RXRA: variants seen among roughly 807,000 people sequenced by gnomAD.
The protein encoded by RXRA is retinoid X receptor alpha.
RXRA carries 5 observed loss-of-function variants against 44.5 expected under a neutral mutation model. The ratio of observed to expected loss-of-function variants is 0.11; its 90% CI spans 0.06 to 0.24. The LOEUF (loss-of-function observed/expected upper bound fraction) is 0.24. RXRA is among the 10% of genes least tolerant of loss of function. The pLI, the probability that RXRA is intolerant of heterozygous loss-of-function variation, is 1.00. For missense variants in RXRA, 412 were observed against 646.5 expected (o/e 0.64, Z 3.93); for synonymous variants, 291 against 271.4 (o/e 1.07, Z -0.71).
At chr9:134,356,584 T>C (rs1830286374) in intron 1 of RXRA, among the ~76,000 whole-genome samples, 1 of 152,214 alleles carries the variant, frequency 6.6e-6, no homozygotes, top group African/African-American at 2.4e-5. Flanking sequence ...GTCCGTGCCT[T>C]GCCCAGAAGT....
chr9:134,379,967 G>A (rs1331908587), intron 1 of RXRA: 1 of 985,176 alleles, frequency 1.0e-6, no homozygotes, highest in African/African-American at 1.7e-5. Context: ...GGGGGTTGGT[G>A]GAGGCCTCGG....
Position 134,417,753 on chromosome 9 carries a change from T to G in RXRA, c.780+426T>G, listed in dbSNP as rs1831262869. On this transcript the variant is annotated intron_variant, in intron 5 of 9. Coordinates refer to ENST00000481739, the MANE Select transcript of RXRA (RefSeq NM_002957.6). The surrounding 1 kb of genome is among the most constrained non-coding windows in gnomAD (Gnocchi z 6.1). Reference sequence around the variant, plus strand: ...CCAGCAAGAGGCTCTGCAGGTTGGTTCCAGGGCTGGCTCTGCCAGCAGCCG... The same window carrying G: ...CCAGCAAGAGGCTCTGCAGGTTGGTGCCAGGGCTGGCTCTGCCAGCAGCCG... Among the ~76,000 whole-genome samples, 2 of 152,044 alleles carry G rather than the reference T, an allele frequency of 1.3e-5. No individual in the cohort carries two copies. The highest frequency in any genetic ancestry group is 2.4e-5 in the African/African-American group (1 of 41,382).
rs748664039 is a variant in RXRA at position 134,434,163 on chromosome 9, C to T, written c.1197C>T (p.Ser399=). The T allele has an allele frequency of 8.1e-6, 13 of 1,613,744 alleles. No individual in the cohort carries two copies. In the Admixed American group the frequency reaches 1.8e-4, roughly 23 times the overall value. The change falls in exon 9 of 10, where the codon TCC becomes TCT. Residue 399 remains serine, a synonymous_variant. Coordinates refer to ENST00000481739, the MANE Select transcript of RXRA (RefSeq NM_002957.6). ...CGCTGAGGGAGAAGGTCTATGCGTC[C>T]TTGGAGGCCTACTGCAAGCACAAGT... is the stretch of plus-strand genomic sequence containing the variant. ...VEALREKVYA[S]LEAYCKHKYP... is the part of the protein sequence containing the mutation.
intron 4 of RXRA, among the ~76,000 whole-genome samples, chr9:134,412,996 T>G (rs1384756592): frequency 6.6e-6 from 1 of 152,206 alleles, no homozygotes; most frequent in African/African-American, 2.4e-5. Flanking sequence ...CACCTATGTG[T>G]GCACGTGTGT....
At position 134,439,042 on chromosome 9, in the gene RXRA, G is replaced by T. The variant is rs1831682736; in HGVS notation, c.*2428G>T. 6.6e-6 allele frequency: 1 copy of T among 152,308 alleles called. No individual in the cohort carries two copies. The highest frequency in any genetic ancestry group is 1.5e-5 in the Non-Finnish European group (1 of 68,090). 9.4% of individuals were successfully genotyped at this position (152,308 alleles called of 1,614,324 possible). A position where few individuals can be genotyped will look rare whatever the true frequency, so the allele number is the denominator to read the frequency against. On this transcript the variant is annotated 3_prime_UTR_variant, in exon 10 of 10. Coordinates refer to ENST00000481739, the MANE Select transcript of RXRA (RefSeq NM_002957.6). ...TTGGTTTGAAAAGGTGATGTGTGGG[G>T]AGTGCGGCTCATCACTGAGTAGAGA...
At chr9:134,339,542 T>G (rs1214906276) in intron 1 of RXRA, among the ~76,000 whole-genome samples, 1 of 150,728 alleles carries the variant, frequency 6.6e-6, no homozygotes, top group Non-Finnish European at 1.5e-5. Context: ...TGAGCCCGTG[T>G]GTGTGTGAGT....
In RXRA at chr9:134,417,378, C is replaced by G; in HGVS notation, c.780+51C>G. 6.3e-7 allele frequency: 1 copy of G among 1,578,912 alleles called. No individual in the cohort carries two copies. Among genetic ancestry groups the G allele is most frequent in the Non-Finnish European group, 8.6e-7 (1 of 1,156,090 alleles). On this transcript the variant is annotated intron_variant, in intron 5 of 9. Transcript: ENST00000481739. This position sits in a 1 kb window ranked among gnomAD's most constrained non-coding sequence, Gnocchi z 6.1. ...GGCAGCCTCACATGCCTCAGTTTCCCTCACTCACTCACCCTCCCACCTGAG... is the reference window on the plus strand; with the variant it reads ...GGCAGCCTCACATGCCTCAGTTTCCGTCACTCACTCACCCTCCCACCTGAG...
chr9:134,415,121 C>G (rs948513078), intron 4 of RXRA, among the ~76,000 whole-genome samples: 5 of 152,226 alleles, frequency 3.3e-5, no homozygotes, highest in Non-Finnish European at 7.3e-5. Context: ...TTGGTGTATC[C>G]TGAAGCTGGG....
At chr9:134,359,757 C>T (rs1830326894) in intron 1 of RXRA, among the ~76,000 whole-genome samples, 1 of 151,488 alleles carries the variant, frequency 6.6e-6, no homozygotes, top group Non-Finnish European at 1.5e-5. Flanking sequence ...GACACGCAGC[C>T]CCGCCCCTCC....
intron 4 of RXRA, among the ~76,000 whole-genome samples, chr9:134,413,535 A>C (rs1831185805): frequency 6.6e-6 from 1 of 151,990 alleles, no homozygotes; most frequent in Non-Finnish European, 1.5e-5. Context: ...CACCCTTAAG[A>C]GGAGGCCAGA....
At chr9:134,360,583 T>C (rs1468047189) in intron 1 of RXRA, among the ~76,000 whole-genome samples, 2 of 152,248 alleles carry the variant, frequency 1.3e-5, no homozygotes, top group Admixed American at 1.3e-4. Context: ...CGCTCGCGGT[T>C]ACCTGCCGCT....
intron 6 of RXRA, chr9:134,424,307 G>T: frequency 1.0e-6 from 1 of 985,364 alleles, no homozygotes; most frequent in African/African-American, 1.7e-5. Context: ...CCATCCCGTG[G>T]CATCTCTGCG....
chr9:134,434,011 C>G (rs1031813507), intron 8 of RXRA, 91 bp from the exon 9 acceptor site: 18 of 913,616 alleles, frequency 2.0e-5, no homozygotes, highest in Admixed American at 1.5e-4. Context: ...GTGGGGCAGC[C>G]TGGGAGACCC....
intron 1 of RXRA, among the ~76,000 whole-genome samples, chr9:134,379,006 G>C: frequency 6.6e-6 from 1 of 152,210 alleles, no homozygotes; most frequent in Middle Eastern, 3.2e-3. Flanking sequence ...CTTGAGGGTG[G>C]GGGTGGACCT....
At chr9:134,405,933 G>A (rs557938613) in intron 2 of RXRA, 1 of 152,308 alleles carries the variant, frequency 6.6e-6, no homozygotes, top group South Asian at 2.1e-4. Flanking sequence ...TGGCTTGGGG[G>A]CCCCTGTGCC....
chr9:134,333,701 C>G (rs567679575), intron 1 of RXRA, among the ~76,000 whole-genome samples: 1 of 152,312 alleles, frequency 6.6e-6, no homozygotes, highest in East Asian at 1.9e-4. Flanking sequence ...GGGGAGGGAT[C>G]TAAGTATCCT....
intron 7 of RXRA, 56 bp from the exon 8 acceptor site, chr9:134,431,849 C>T (rs1831536954): frequency 1.4e-6 from 2 of 1,382,978 alleles, no homozygotes; most frequent in Non-Finnish European, 1.0e-6. Flanking sequence ...TGGGGTGTGG[C>T]CCTGGTGAGG....
chr9:134,428,064 C>T (rs968115513), intron 6 of RXRA, among the ~76,000 whole-genome samples: 2 of 152,168 alleles, frequency 1.3e-5, no homozygotes, highest in Non-Finnish European at 2.9e-5. Flanking sequence ...AACAGCAGTG[C>T]GTGTGCACGC....
chr9:134,371,121 C>T (rs1027826583), intron 1 of RXRA, among the ~76,000 whole-genome samples: 22 of 152,256 alleles, frequency 1.4e-4, no homozygotes, highest in African/African-American at 5.1e-4. Flanking sequence ...GGTTTGCATC[C>T]GAAGCTGATC....
Sources: gnomAD v4.1 joint callset for allele counts (sites outside exome capture counted in the v4.1 genomes callset) on GRCh38, gnomAD v4.1.1 for gene constraint, Gnocchi (gnomAD v3.1) non-coding constraint, MANE v1.5 for transcripts, NCBI Gene and HGNC (gene_info 2026-07-23, HGNC 2026-07-21) for gene names.